CTNNA2: variants seen among roughly 807,000 people sequenced by gnomAD.
The protein encoded by CTNNA2 is catenin alpha-2.
In CTNNA2, 42 loss-of-function variants were observed where a neutral mutation model predicts 101.0. That is an observed-to-expected ratio of 0.42 (90% CI 0.32 to 0.54). CTNNA2 has a LOEUF of 0.54. Among genes scored for constraint, CTNNA2 ranks in the 20% least tolerant of loss-of-function variants. CTNNA2 has a pLI of 0.14. For synonymous variants in CTNNA2, 450 were observed against 456.4 expected (o/e 0.99, Z 0.18); for missense variants, 871 against 1,223.1 (o/e 0.71, Z 4.29).
At chr2:79,869,740 C>A in intron 4 of CTNNA2, 76 bp from the exon 5 acceptor site, 2 of 1,540,904 alleles carry the variant, frequency 1.3e-6, no homozygotes, top group Non-Finnish European at 1.7e-6. Context: ...TTTTTGGGTG[C>A]AAATTCCATT....
intron 9 of CTNNA2, among the ~76,000 whole-genome samples, chr2:80,444,558 C>T (rs1238426168): frequency 2.6e-5 from 4 of 152,086 alleles, no homozygotes. Context: ...CTGAATTGTA[C>T]CCCGCTCCCA....
intron 7 of CTNNA2, among the ~76,000 whole-genome samples, chr2:80,018,259 A>T (rs1002134953): frequency 6.6e-6 from 1 of 152,198 alleles, no homozygotes; most frequent in East Asian, 1.9e-4. Flanking sequence ...AGAATTGGAC[A>T]CATTTCAGAA....
Position 80,042,471 on chromosome 2 carries a change from A to C in CTNNA2, c.1056+132674A>C, listed in dbSNP as rs72924610. On this transcript the variant is annotated intron_variant, in intron 7 of 18. Transcript: ENST00000402739. ...ATCCTAAAGAAACATCGAAGGTGAG[A>C]GAGAATTGCACTGAGCCAAGCCTTC... 4.3e-3 allele frequency among the ~76,000 whole-genome samples: 662 copies of C among 152,304 alleles called. 7 individuals are homozygous for C. The highest frequency in any genetic ancestry group is 0.015 in the African/African-American group (636 of 41,572).
chr2:80,424,567 C>G (rs1425160502), intron 9 of CTNNA2, among the ~76,000 whole-genome samples: 1 of 152,116 alleles, frequency 6.6e-6, no homozygotes, highest in Non-Finnish European at 1.5e-5. Flanking sequence ...TTCTGTTGGG[C>G]AGCAGAGAGG....
intron 7 of CTNNA2, among the ~76,000 whole-genome samples, chr2:79,914,777 C>T (rs577046010): frequency 6.6e-6 from 1 of 151,148 alleles, no homozygotes; most frequent in African/African-American, 2.4e-5. Flanking sequence ...ATTTTGGATC[C>T]AACTTTTTTT....
chr2:80,159,842 A>G (rs577032832), intron 7 of CTNNA2, among the ~76,000 whole-genome samples: 3 of 152,302 alleles, frequency 2.0e-5, no homozygotes, highest in East Asian at 1.9e-4. Context: ...TTGAAGTTCA[A>G]TTTATGTACA....
At chr2:79,424,768 G>A (rs990479940) in intron 4 of CTNNA2, among the ~76,000 whole-genome samples, 3 of 151,838 alleles carry the variant, frequency 2.0e-5, no homozygotes, top group African/African-American at 7.3e-5. Context: ...ACAACGAGTG[G>A]GTCAAAAGAT....
chr2:79,406,620 T>C (rs1331167545), intron 4 of CTNNA2, among the ~76,000 whole-genome samples: 1 of 152,052 alleles, frequency 6.6e-6, no homozygotes, highest in South Asian at 2.1e-4. Context: ...CAATAAATCA[T>C]GTTGACAAGG....
intron 7 of CTNNA2, among the ~76,000 whole-genome samples, chr2:80,281,004 G>A (rs1021271054): frequency 3.9e-5 from 6 of 151,964 alleles, no homozygotes; most frequent in African/African-American, 1.2e-4. Flanking sequence ...TTTCCCCCTC[G>A]GTTTATTTTT....
At chr2:80,323,528 G>A (rs1401987254) in intron 7 of CTNNA2, among the ~76,000 whole-genome samples, 1 of 152,038 alleles carries the variant, frequency 6.6e-6, no homozygotes, top group Non-Finnish European at 1.5e-5. Context: ...TGCTTGGAAG[G>A]TTATGATCTC....
At chr2:79,391,101 G>A (rs556272697) in intron 4 of CTNNA2, among the ~76,000 whole-genome samples, 2 of 152,166 alleles carry the variant, frequency 1.3e-5, no homozygotes, top group African/African-American at 4.8e-5. Context: ...GCCTTCCTCC[G>A]GATTCTGCAA....
chr2:79,695,845 C>A (rs890432199), intron 2 of CTNNA2, among the ~76,000 whole-genome samples: 8 of 151,974 alleles, frequency 5.3e-5, no homozygotes, highest in African/African-American at 1.9e-4. Flanking sequence ...ACTATGGGGT[C>A]CCCTACCAAG....
chr2:80,067,879 C>A (rs13389699), intron 7 of CTNNA2, among the ~76,000 whole-genome samples: 4,727 of 152,202 alleles, frequency 0.031, 240 homozygotes, highest in African/African-American at 0.11. Flanking sequence ...TGTGAGTGAG[C>A]CGTCTTGGAA....
intron 3 of CTNNA2, among the ~76,000 whole-genome samples, chr2:79,328,375 A>G (rs1359452991): frequency 6.6e-6 from 1 of 152,200 alleles, no homozygotes; most frequent in Non-Finnish European, 1.5e-5. Flanking sequence ...AGTTGAAGGC[A>G]GTAGAATTGA....
chr2:79,500,568 T>G (rs1427267716), intron 4 of CTNNA2: 3 of 152,182 alleles, frequency 2.0e-5, no homozygotes, highest in Admixed American at 1.3e-4. Flanking sequence ...TTTTCTACTT[T>G]CTCTCACCCC....
chr2:79,700,585 A>C (rs988078221), intron 2 of CTNNA2, among the ~76,000 whole-genome samples: 10 of 152,102 alleles, frequency 6.6e-5, no homozygotes, highest in Non-Finnish European at 7.4e-5. Context: ...ACAACAACAA[A>C]AAAAGAGTAG....
At chr2:80,201,478 A>C (rs1451177864) in intron 7 of CTNNA2, among the ~76,000 whole-genome samples, 1 of 141,222 alleles carries the variant, frequency 7.1e-6, no homozygotes, top group Non-Finnish European at 1.5e-5. Context: ...GGTTCATGCC[A>C]TTCTCCTGCC....
At chr2:79,726,462 C>G (rs919513221) in intron 2 of CTNNA2, among the ~76,000 whole-genome samples, 3 of 152,102 alleles carry the variant, frequency 2.0e-5, no homozygotes, top group African/African-American at 7.2e-5. Context: ...GCATTAGATT[C>G]TCATACCAGC....
intron 7 of CTNNA2, among the ~76,000 whole-genome samples, chr2:80,327,374 G>A (rs926160159): frequency 4.6e-5 from 7 of 152,190 alleles, no homozygotes; most frequent in East Asian, 3.9e-4. Flanking sequence ...CAAATGCTAC[G>A]TGGAGGGAAC....
Sources: gnomAD v4.1 joint callset for allele counts (sites outside exome capture counted in the v4.1 genomes callset) on GRCh38, gnomAD v4.1.1 for gene constraint, MANE v1.5 for transcripts, NCBI Gene and HGNC (gene_info 2026-07-23, HGNC 2026-07-21) for gene names.